EPSTI1: variants seen among roughly 807,000 people sequenced by gnomAD.
EPSTI1 encodes the protein epithelial stromal interaction 1, also known as epithelial-stromal interaction protein 1.
A neutral mutation model predicts 49.9 loss-of-function variants in EPSTI1; 66 were observed. That is an observed-to-expected ratio of 1.32 (90% CI 1.08 to 1.62). EPSTI1 has a LOEUF of 1.62. EPSTI1 is among the 40% of genes most tolerant of loss of function. EPSTI1 has a pLI of 0.00. For synonymous variants in EPSTI1, 137 were observed against 130.7 expected (o/e 1.05, Z -0.33); for missense variants, 394 against 365.5 (o/e 1.08, Z -0.64).
intron 8 of EPSTI1, 43 bp downstream of exon 8, chr13:42,917,498 T>C: frequency 6.7e-7 from 1 of 1,495,730 alleles, no homozygotes; most frequent in Non-Finnish European, 9.2e-7. Flanking sequence ...ATCTAGTACC[T>C]CAAATAAACA....
At chr13:42,967,741 A>G (rs1240292821) in intron 3 of EPSTI1, among the ~76,000 whole-genome samples, 1 of 152,194 alleles carries the variant, frequency 6.6e-6, no homozygotes, top group Non-Finnish European at 1.5e-5. Flanking sequence ...ATTCCCAGGA[A>G]GAAGAACGAG....
chr13:42,946,139 G>T (rs2038911398), intron 6 of EPSTI1, among the ~76,000 whole-genome samples: 1 of 152,158 alleles, frequency 6.6e-6, no homozygotes, highest in South Asian at 2.1e-4. Context: ...CAAACTTGGT[G>T]CCTATGTGTG....
chr13:42,895,185 G>A lies in EPSTI1; in HGVS notation c.816-77C>T, dbSNP rs1015654768. 7 of 1,135,438 alleles carry A rather than the reference G, an allele frequency of 6.2e-6. No homozygotes were observed. The Admixed American group carries it at 1.3e-4, about 21-fold the overall frequency. The allele number at this position is 1,135,438 out of a possible 1,614,324, so 70.3% of individuals were successfully genotyped here. On this transcript the variant is annotated intron_variant, in intron 9 of 10. Transcript: ENST00000313624. ...GAGATTTCTGAGAATCTAATGTGTTGTATGAACTGACCATGGGGATAGCTT... is the reference window on the plus strand; with the variant it reads ...GAGATTTCTGAGAATCTAATGTGTTATATGAACTGACCATGGGGATAGCTT...
chr13:42,907,013 A>G (rs2037517114), intron 8 of EPSTI1, among the ~76,000 whole-genome samples: 1 of 152,184 alleles, frequency 6.6e-6, no homozygotes, highest in African/African-American at 2.4e-5. Context: ...TTATCTAGCT[A>G]TTTTGTAAGG....
intron 6 of EPSTI1, among the ~76,000 whole-genome samples, chr13:42,928,317 C>A (rs1466734796): frequency 6.6e-6 from 1 of 152,128 alleles, no homozygotes; most frequent in Non-Finnish European, 1.5e-5. Context: ...GAAGTGGGAT[C>A]CCTGTAGGTA....
intron 5 of EPSTI1, among the ~76,000 whole-genome samples, chr13:42,955,428 T>C (rs962524462): frequency 2.0e-5 from 3 of 152,170 alleles, no homozygotes; most frequent in Admixed American, 6.5e-5. Flanking sequence ...GGTTAGAAAT[T>C]GAGACCACTG....
intron 5 of EPSTI1, among the ~76,000 whole-genome samples, chr13:42,956,394 A>G (rs1203153817): frequency 6.6e-6 from 1 of 152,192 alleles, no homozygotes; most frequent in African/African-American, 2.4e-5. Flanking sequence ...GAGAAATTCT[A>G]TATCCAACCC....
intron 1 of EPSTI1, among the ~76,000 whole-genome samples, chr13:42,979,435 A>G (rs1310119944): frequency 1.3e-5 from 2 of 151,888 alleles, no homozygotes; most frequent in African/African-American, 2.4e-5. Flanking sequence ...AAAAAAAATT[A>G]GCCGGGCGTG....
At chr13:42,979,667 A>G (rs1363720597) in intron 1 of EPSTI1, among the ~76,000 whole-genome samples, 1 of 151,924 alleles carries the variant, frequency 6.6e-6, no homozygotes, top group Non-Finnish European at 1.5e-5. Flanking sequence ...ATATCCATAT[A>G]CTGTTTACTT....
At chr13:42,905,001 A>C (rs2037458762) in intron 8 of EPSTI1, among the ~76,000 whole-genome samples, 1 of 152,190 alleles carries the variant, frequency 6.6e-6, no homozygotes, top group Admixed American at 6.5e-5. Flanking sequence ...ATGTGTATAT[A>C]TTATTTCCTC....
intron 6 of EPSTI1, among the ~76,000 whole-genome samples, chr13:42,951,264 A>G (rs1465530031): frequency 6.6e-6 from 1 of 152,254 alleles, no homozygotes; most frequent in African/African-American, 2.4e-5. Context: ...TCCATCTTTT[A>G]TAAGTCTCTT....
intron 6 of EPSTI1, among the ~76,000 whole-genome samples, chr13:42,947,562 G>T (rs2038955057): frequency 6.6e-6 from 1 of 152,112 alleles, no homozygotes; most frequent in African/African-American, 2.4e-5. Context: ...CATTTTATAT[G>T]ATTTTTTTTA....
chr13:42,937,195 C>T (rs2038594347), intron 6 of EPSTI1, among the ~76,000 whole-genome samples: 1 of 147,570 alleles, frequency 6.8e-6, no homozygotes, highest in African/African-American at 2.5e-5. Flanking sequence ...AAAATGTACA[C>T]TTTAATTTAA....
chr13:42,986,561 G>A (rs950931272), intron 1 of EPSTI1, among the ~76,000 whole-genome samples: 1 of 151,988 alleles, frequency 6.6e-6, no homozygotes, highest in African/African-American at 2.4e-5. Context: ...TGGCCAATAT[G>A]GTGAAACCTC....
chr13:42,898,104 C>T (rs12430230), intron 9 of EPSTI1, among the ~76,000 whole-genome samples: 9,925 of 152,240 alleles, frequency 0.065, 393 homozygotes, highest in Admixed American at 0.091. Flanking sequence ...GGGTTAGGTG[C>T]AGGTGCACTC....
intron 10 of EPSTI1, 35 bp from the exon 11 acceptor site, chr13:42,888,537 A>G: frequency 6.4e-7 from 1 of 1,572,942 alleles, no homozygotes; most frequent in Non-Finnish European, 8.6e-7. Context: ...TACTGCAAGC[A>G]GCAAAATAAA....
In EPSTI1 at chr13:42,964,035, C is replaced by A. The variant is rs761551807; in HGVS notation, c.405+31G>T. The A allele has an allele frequency of 3.1e-6, 5 of 1,594,674 alleles. No individual in the cohort carries two copies. The African/African-American group carries it at 6.7e-5, about 22-fold the overall frequency. The stretch of plus-strand genomic sequence containing the variant: ...AAGAGCTGGTACTCATATTCCTTAC[C>A]AAAATTCAACTAAAAGAGATGAATT... On this transcript the variant is annotated intron_variant, in intron 4 of 10. Transcript: ENST00000313624.
Position 42,970,670 on chromosome 13 carries a change from G to A in EPSTI1, c.189C>T (p.Arg63=). Residue 63 remains arginine, a splice_region_variant and synonymous_variant, in exon 2 of 11, where the codon CGC becomes CGT. Transcript: ENST00000313624. The stretch of plus-strand genomic sequence containing the variant: ...GTGCTATCAAGGTGTATGCACTTGT[G>A]CTAAAAGGAAGAGAAAAAAAAATGC... ...RESVVHAGQR[R]TSAYTLIAPN... is the part of the protein sequence containing the mutation. The A allele has an allele frequency of 6.3e-7, 1 of 1,593,062 alleles. No homozygotes were observed. The highest frequency in any genetic ancestry group is 1.1e-5 in the South Asian group (1 of 87,074).
In EPSTI1 at chr13:42,922,667, T is replaced by C. The variant is rs1253906548; in HGVS notation, c.657+3669A>G. 6.6e-6 allele frequency among the ~76,000 whole-genome samples: 1 copy of C among 152,192 alleles called. No homozygotes were observed. The highest frequency in any genetic ancestry group is 1.5e-5 in the Non-Finnish European group (1 of 68,032). On this transcript the variant is annotated intron_variant, in intron 7 of 10. Transcript: ENST00000313624. This position sits in a 1 kb window ranked among gnomAD's most constrained non-coding sequence, Gnocchi z 4.8. ...AGCAGCAAAGGGAAGTGTTCAAATG[T>C]TGCGGTGGAAGTGGGATTCAAGCGG... is the stretch of plus-strand genomic sequence containing the variant.
Sources: gnomAD v4.1 joint callset for allele counts (sites outside exome capture counted in the v4.1 genomes callset) on GRCh38, gnomAD v4.1.1 for gene constraint, Gnocchi (gnomAD v3.1) non-coding constraint, MANE v1.5 for transcripts, NCBI Gene and HGNC (gene_info 2026-07-23, HGNC 2026-07-21) for gene names.